Variants in DLG2 observed in about 807,000 individuals in gnomAD.
DLG2 encodes the protein discs large MAGUK scaffold protein 2.
In DLG2, 45 loss-of-function variants were observed where a neutral mutation model predicts 132.5. The observed-to-expected ratio is 0.34, with a 90% CI of 0.27 to 0.44. DLG2 has a LOEUF of 0.44. DLG2 is among the 20% of genes least tolerant of loss of function. DLG2 has a pLI of 1.00. For missense variants in DLG2, 1,045 were observed against 1,196.9 expected (o/e 0.87, Z 1.87); for synonymous variants, 424 against 419.6 (o/e 1.01, Z -0.13).
At chr11:84,774,169 T>A (rs143233906) in intron 6 of DLG2, among the ~76,000 whole-genome samples, 3 of 151,938 alleles carry the variant, frequency 2.0e-5, no homozygotes, top group Admixed American at 6.6e-5. Context: ...AAATCAAGAA[T>A]GCAATCCTAT....
chr11:85,192,086 T>G (rs2080630694), intron 4 of DLG2, among the ~76,000 whole-genome samples: 1 of 152,130 alleles, frequency 6.6e-6, no homozygotes, highest in Non-Finnish European at 1.5e-5. Flanking sequence ...GACTACAAAT[T>G]TACACGCTTA....
At chr11:84,701,715 G>A (rs1466974809) in intron 6 of DLG2, among the ~76,000 whole-genome samples, 5 of 151,624 alleles carry the variant, frequency 3.3e-5, no homozygotes, top group Non-Finnish European at 7.4e-5. Flanking sequence ...TGAAATCCCA[G>A]TTTTATAATT....
At chr11:85,453,263 T>A in intron 3 of DLG2, 1 of 336,046 alleles carries the variant, frequency 3.0e-6, no homozygotes, top group Non-Finnish European at 5.5e-6. Flanking sequence ...GTGTCAATAA[T>A]CTTCTGGAAA....
At chr11:85,439,757 T>C (rs2091683416) in intron 3 of DLG2, among the ~76,000 whole-genome samples, 3 of 152,144 alleles carry the variant, frequency 2.0e-5, no homozygotes, top group Non-Finnish European at 4.4e-5. Flanking sequence ...CAAAAAGTAG[T>C]AACAGAGTAT....
chr11:84,598,500 C>G (rs957966691), intron 6 of DLG2, among the ~76,000 whole-genome samples: 2 of 152,172 alleles, frequency 1.3e-5, no homozygotes, highest in African/African-American at 4.8e-5. Flanking sequence ...TACATTTTAT[C>G]TAATCCTATT....
intron 3 of DLG2, among the ~76,000 whole-genome samples, chr11:85,434,821 T>G (rs2091388683): frequency 6.6e-6 from 1 of 152,202 alleles, no homozygotes; most frequent in South Asian, 2.1e-4. Flanking sequence ...GCTCATTTTA[T>G]GAGGCCAGCA....
In DLG2 at chr11:85,441,382, C is replaced by T. The variant is rs149919949; in HGVS notation, c.41-156017G>A. ...TTCATAACCAATCCTTTATAATAGG[C>T]CTGAGTCTTCTCCAGTATATTTCCT... On this transcript the variant is annotated intron_variant, in intron 3 of 27. Transcript: ENST00000376104. Among the ~76,000 whole-genome samples, 24 of 152,234 alleles carry T rather than the reference C, an allele frequency of 1.6e-4. No homozygotes were observed. In the East Asian group the frequency reaches 4.2e-3, roughly 27 times the overall value.
At chr11:84,201,674 G>A (rs967518852) in intron 8 of DLG2, among the ~76,000 whole-genome samples, 12 of 151,350 alleles carry the variant, frequency 7.9e-5, no homozygotes, top group South Asian at 4.2e-4. Context: ...TTCCTGGTTC[G>A]GTCTTGAAAG....
At chr11:84,560,669 T>G (rs2099425717) in intron 6 of DLG2, among the ~76,000 whole-genome samples, 1 of 152,068 alleles carries the variant, frequency 6.6e-6, no homozygotes, top group Admixed American at 6.6e-5. Flanking sequence ...AATCATAAAA[T>G]TATTTTATCT....
At chr11:85,154,697 C>A in intron 4 of DLG2, 46 bp from the exon 5 acceptor site, 1 of 922,890 alleles carries the variant, frequency 1.1e-6, no homozygotes, top group Non-Finnish European at 1.7e-6. Context: ...TTATTTTCTG[C>A]AATGTATATT....
intron 7 of DLG2, among the ~76,000 whole-genome samples, chr11:84,251,612 G>A (rs2097373246): frequency 6.7e-6 from 1 of 150,116 alleles, no homozygotes; most frequent in South Asian, 2.1e-4. Flanking sequence ...AATAAATTGG[G>A]TAAGAGTTAA....
intron 14 of DLG2, among the ~76,000 whole-genome samples, chr11:83,931,636 T>C (rs1470741262): frequency 6.6e-6 from 1 of 152,204 alleles, no homozygotes; most frequent in Admixed American, 6.5e-5. Context: ...TTTCTGAAAA[T>C]TACAATAAAT....
chr11:85,195,690 A>AT (rs564180858), intron 4 of DLG2, among the ~76,000 whole-genome samples: 2,335 of 150,594 alleles, frequency 0.016, 38 homozygotes, highest in African/African-American at 0.046. Flanking sequence ...CGCCCAGCTA[A>AT]TTTTTTTTTG....
At chr11:84,139,271 C>A (rs984880539) in intron 9 of DLG2, among the ~76,000 whole-genome samples, 128 of 152,194 alleles carry the variant, frequency 8.4e-4, no homozygotes, top group African/African-American at 3.0e-3. Context: ...GAATAAACAA[C>A]CCATGAATTC....
intron 6 of DLG2, among the ~76,000 whole-genome samples, chr11:84,804,940 A>G (rs1193713112): frequency 6.6e-6 from 1 of 152,050 alleles, no homozygotes; most frequent in Non-Finnish European, 1.5e-5. Context: ...GTGGAGAAAA[A>G]TTAGGGAGCT....
intron 6 of DLG2, among the ~76,000 whole-genome samples, chr11:84,588,796 A>C (rs1337271087): frequency 1.3e-5 from 2 of 151,924 alleles, no homozygotes; most frequent in Non-Finnish European, 1.5e-5. Context: ...AAAAAAAAAA[A>C]ACAAAATATG....
At chr11:85,285,551 T>C (rs773678781) in intron 3 of DLG2, among the ~76,000 whole-genome samples, 186 bp from the exon 4 acceptor site, 5 of 152,032 alleles carry the variant, frequency 3.3e-5, no homozygotes, top group African/African-American at 9.6e-5. Flanking sequence ...AGAATGCTTA[T>C]AGCAGCTTTA....
At chr11:84,553,407 G>T (rs1317001866) in intron 6 of DLG2, among the ~76,000 whole-genome samples, 1 of 152,176 alleles carries the variant, frequency 6.6e-6, no homozygotes, top group Non-Finnish European at 1.5e-5. Flanking sequence ...TAGTTAAGAT[G>T]CATGCTGATT....
chr11:85,045,441 T>C (rs1276369494), intron 6 of DLG2, among the ~76,000 whole-genome samples: 1 of 152,064 alleles, frequency 6.6e-6, no homozygotes, highest in Non-Finnish European at 1.5e-5. Context: ...GAAAATAGCT[T>C]GCTTTTGTGG....
Sources: gnomAD v4.1 joint callset for allele counts (sites outside exome capture counted in the v4.1 genomes callset) on GRCh38, gnomAD v4.1.1 for gene constraint, MANE v1.5 for transcripts, NCBI Gene and HGNC (gene_info 2026-07-23, HGNC 2026-07-21) for gene names.